The following ASIC2 variants were observed in gnomAD, a reference collection of about 807,000 sequenced individuals.
ASIC2 encodes acid-sensing ion channel 2.
ASIC2 carries 25 observed loss-of-function variants against 57.3 expected under a neutral mutation model. The ratio of observed to expected loss-of-function variants is 0.44; its 90% CI spans 0.32 to 0.61. ASIC2 has a LOEUF of 0.61. Among genes scored for constraint, ASIC2 ranks in the 20% least tolerant of loss-of-function variants. The pLI is 0.06. For missense variants in ASIC2, 641 were observed against 738.1 expected, an observed-to-expected ratio of 0.87 and a Z score of 1.52; for synonymous variants, 319 against 307.5, an observed-to-expected ratio of 1.04 and a Z score of -0.39.
intron 5 of ASIC2, among the ~76,000 whole-genome samples, chr17:33,025,082 C>A (rs186244270): frequency 3.3e-4 from 50 of 152,310 alleles, no homozygotes; most frequent in Admixed American, 3.1e-3. Flanking sequence ...CTCCTCTCAG[C>A]CTGCCCTCCC....
At chr17:33,482,559 A>G (rs1913441145) in intron 1 of ASIC2, among the ~76,000 whole-genome samples, 2 of 152,144 alleles carry the variant, frequency 1.3e-5, no homozygotes, top group African/African-American at 2.4e-5. Flanking sequence ...TTCTCATCTG[A>G]TTCTCTCAGC....
At chr17:33,760,243 G>A (rs766609014) in intron 1 of ASIC2, among the ~76,000 whole-genome samples, 2 of 151,914 alleles carry the variant, frequency 1.3e-5, no homozygotes, top group Middle Eastern at 3.2e-3. Context: ...CACAATTAGC[G>A]ATTCTGCTGG....
intron 1 of ASIC2, among the ~76,000 whole-genome samples, chr17:33,484,729 C>A (rs1232230428): frequency 1.3e-5 from 2 of 152,174 alleles, no homozygotes; most frequent in Admixed American, 1.3e-4. Flanking sequence ...AAGGCAGGGA[C>A]AGGGTAGAAG....
chr17:33,546,316 T>A (rs1246191600), intron 1 of ASIC2, among the ~76,000 whole-genome samples: 1 of 152,176 alleles, frequency 6.6e-6, no homozygotes, highest in Non-Finnish European at 1.5e-5. Flanking sequence ...ATTGGATTCC[T>A]TCCTTCATGT....
intron 7 of ASIC2, among the ~76,000 whole-genome samples, chr17:33,018,823 T>C (rs1447155068): frequency 6.6e-6 from 1 of 150,994 alleles, no homozygotes; most frequent in Non-Finnish European, 1.5e-5. Context: ...GTTTGGGAAT[T>C]GGGTTTGGGG....
At chr17:34,145,697 A>G (rs1455721944) in intron 1 of ASIC2, among the ~76,000 whole-genome samples, 2 of 152,140 alleles carry the variant, frequency 1.3e-5, no homozygotes, top group Admixed American at 6.5e-5. Context: ...AACAGCTCTC[A>G]TATTGCCCGT....
chr17:33,642,220 C>CACA (rs1491571205), intron 1 of ASIC2, among the ~76,000 whole-genome samples: 17 of 139,134 alleles, frequency 1.2e-4, no homozygotes, highest in African/African-American at 4.6e-4. Context: ...CCCCCCCCCC[C>CACA]CACACACAAT....
At chr17:34,121,249 C>A (rs9897532) in intron 1 of ASIC2, among the ~76,000 whole-genome samples, 135,645 of 152,184 alleles carry the variant, frequency 0.89, 60,858 homozygotes, top group African/African-American at 0.97. Context: ...TTCTAGCCCC[C>A]GATCTGTGAG....
intron 1 of ASIC2, among the ~76,000 whole-genome samples, chr17:33,369,667 AC>A (rs1428593654): frequency 6.6e-6 from 1 of 152,172 alleles, no homozygotes; most frequent in Non-Finnish European, 1.5e-5. Context: ...AGAGGAGGAA[AC>A]AAAGGGGCAG....
At chr17:34,094,008 G>A (rs372955758) in intron 1 of ASIC2, among the ~76,000 whole-genome samples, 9 of 152,126 alleles carry the variant, frequency 5.9e-5, no homozygotes, top group African/African-American at 1.4e-4. Context: ...ATGCTACAAC[G>A]GAGGCACCTG....
chr17:33,350,680 A>T (rs932038254), intron 1 of ASIC2, among the ~76,000 whole-genome samples: 1 of 151,598 alleles, frequency 6.6e-6, no homozygotes, highest in Non-Finnish European at 1.5e-5. Flanking sequence ...AGACTCTGTG[A>T]GAAAAAAAAA....
At chr17:34,031,206 A>T (rs1423697035) in intron 1 of ASIC2, among the ~76,000 whole-genome samples, 2 of 152,214 alleles carry the variant, frequency 1.3e-5, no homozygotes, top group Non-Finnish European at 2.9e-5. Context: ...CGGTTCACCA[A>T]TATCTGCTGT....
chr17:33,149,490 G>A (rs1904699599), intron 1 of ASIC2, among the ~76,000 whole-genome samples: 1 of 152,192 alleles, frequency 6.6e-6, no homozygotes, highest in Non-Finnish European at 1.5e-5. Context: ...ATCATTGAGT[G>A]AAGAGGCTAC....
chr17:33,819,119 C>T (rs1912675135), intron 1 of ASIC2, among the ~76,000 whole-genome samples: 1 of 152,148 alleles, frequency 6.6e-6, no homozygotes, highest in Admixed American at 6.5e-5. Flanking sequence ...TATGCCTTTC[C>T]TAAGAAAGGC....
At chr17:33,505,505 C>T (rs1478724210) in intron 1 of ASIC2, among the ~76,000 whole-genome samples, 1 of 152,176 alleles carries the variant, frequency 6.6e-6, no homozygotes, top group African/African-American at 2.4e-5. Context: ...TTCTCAATCC[C>T]TCCCGCTGTA....
chr17:33,404,204 A>G (rs1910386545), intron 1 of ASIC2, among the ~76,000 whole-genome samples: 2 of 152,206 alleles, frequency 1.3e-5, no homozygotes, highest in African/African-American at 4.8e-5. Context: ...ACTGCAAATT[A>G]ATGAACATGG....
chr17:33,319,237 T>TA (rs58532368), intron 1 of ASIC2, among the ~76,000 whole-genome samples: 28,973 of 151,994 alleles, frequency 0.19, 2,880 homozygotes, highest in East Asian at 0.37. Context: ...CTCAAAAAAA[T>TA]AAACCCCCAA....
Position 33,701,363 on chromosome 17 carries a change from A to T in ASIC2, c.555+454615T>A, listed in dbSNP as rs912783158. 3.9e-5 allele frequency among the ~76,000 whole-genome samples: 6 copies of T among 152,328 alleles called. 1 individual carries two copies. In the South Asian group the frequency reaches 1.2e-3, roughly 32 times the overall value. On this transcript the variant is annotated intron_variant, in intron 1 of 9. Coordinates refer to the ASIC2 transcript ENST00000359872. ...GATTGGCCAAGCCTTGGATCATATC[A>T]TTTACAGCCATACCGGACTACAATC... is the stretch of plus-strand genomic sequence containing the variant.
intron 1 of ASIC2, among the ~76,000 whole-genome samples, chr17:34,095,053 C>G (rs575844734): frequency 1.3e-5 from 2 of 152,282 alleles, no homozygotes; most frequent in South Asian, 4.1e-4. Flanking sequence ...AACTCATGTC[C>G]CACCCCTGGG....
Sources: allele counts gnomAD v4.1 joint callset (sites outside exome capture counted in the v4.1 genomes callset), GRCh38; gene constraint gnomAD v4.1.1; transcripts MANE v1.5; gene names NCBI Gene and HGNC (gene_info 2026-07-23, HGNC 2026-07-21).